The following SGCD variants were observed in gnomAD, a reference collection of about 807,000 sequenced individuals.
SGCD encodes the protein sarcoglycan delta, also known as delta-sarcoglycan.
A neutral mutation model predicts 36.6 loss-of-function variants in SGCD; 18 were observed. The observed-to-expected ratio is 0.49, with a 90% CI of 0.34 to 0.73. The LOEUF (loss-of-function observed/expected upper bound fraction) is 0.73. SGCD is among the 30% of genes least tolerant of loss of function. SGCD has a pLI of 0.01. For missense variants in SGCD, 387 were observed against 346.7 expected (o/e 1.12, Z -0.92); for synonymous variants, 133 against 130.6 (o/e 1.02, Z -0.12).
intron 3 of SGCD, among the ~76,000 whole-genome samples, chr5:156,140,566 A>G (rs909059086): frequency 1.3e-5 from 2 of 152,208 alleles, no homozygotes; most frequent in African/African-American, 2.4e-5. Context: ...TTTAAGAGCT[A>G]TGAACTAGGA....
intron 3 of SGCD, among the ~76,000 whole-genome samples, chr5:156,354,831 G>T (rs1769423014): frequency 6.6e-6 from 1 of 152,170 alleles, no homozygotes; most frequent in Non-Finnish European, 1.5e-5. Flanking sequence ...GAACCTGCAG[G>T]TCAGTCCTTC....
intron 3 of SGCD, among the ~76,000 whole-genome samples, chr5:156,290,613 A>G (rs562117458): frequency 6.6e-6 from 1 of 152,288 alleles, no homozygotes; most frequent in East Asian, 1.9e-4. Context: ...TACATATTAA[A>G]TGTACAATAT....
At chr5:156,312,164 A>T (rs1432874404) in intron 3 of SGCD, among the ~76,000 whole-genome samples, 2 of 152,194 alleles carry the variant, frequency 1.3e-5, no homozygotes, top group Non-Finnish European at 2.9e-5. Context: ...TTATTCTCAC[A>T]AAGACTCTGA....
At chr5:155,776,996 A>C in the SGCD span, among the ~76,000 whole-genome samples, 205 of 152,226 alleles carry the variant, frequency 1.3e-3, no homozygotes, top group Non-Finnish European at 2.5e-3. Context: ...AACTTTATCC[A>C]TGGGTACTTC....
chr5:156,371,752 C>T (rs1770400206), intron 3 of SGCD, among the ~76,000 whole-genome samples: 1 of 152,188 alleles, frequency 6.6e-6, no homozygotes, highest in South Asian at 2.1e-4. Flanking sequence ...AATAAATGTT[C>T]CCCCATCGTC....
At position 156,241,251 on chromosome 5, in the gene SGCD, CGTGTGTGTGTGTGTGTGTGT is replaced by C. The variant is rs60843726; in HGVS notation, c.-43-88265_-43-88246del. Among the ~76,000 whole-genome samples the C allele has an allele frequency of 6.8e-3, 991 of 145,178 alleles. 7 individuals are homozygous for C. Among genetic ancestry groups the C allele is most frequent in the African/African-American group, 0.023 (894 of 39,210 alleles). On this transcript the variant is annotated intron_variant, in intron 3 of 9. Coordinates refer to the SGCD transcript ENST00000517913. The stretch of plus-strand genomic sequence containing the variant: ...ACTGGCCTTGGAAATTAGACCAAAA[CGTGTGTGTGTGTGTGTGTGT>C]GTGTGTGTGTGTGTGTGCATGTATG...
chr5:156,705,522 C>T (rs1288501498), intron 7 of SGCD, among the ~76,000 whole-genome samples: 5 of 152,102 alleles, frequency 3.3e-5, no homozygotes, highest in Admixed American at 2.6e-4. Flanking sequence ...GTTATTATGA[C>T]ATAACAACCT....
intron 1 of SGCD, among the ~76,000 whole-genome samples, chr5:155,991,900 A>G (rs1758439608): frequency 6.6e-6 from 1 of 152,196 alleles, no homozygotes; most frequent in African/African-American, 2.4e-5. Context: ...GCCAAAGGCG[A>G]TATTTTTTGA....
Position 156,319,618 on chromosome 5 carries a change from G to T in SGCD, c.-43-9916G>T, listed in dbSNP as rs544130768. On this transcript the variant is annotated intron_variant, in intron 3 of 9. Transcript: ENST00000517913. Reference sequence around the variant, plus strand: ...AGCCCCAGCAGTAATTTCCCATAGTGAGTGAAGAGGTGATACAGTGAATCA... The same window carrying T: ...AGCCCCAGCAGTAATTTCCCATAGTTAGTGAAGAGGTGATACAGTGAATCA... 6.6e-5 allele frequency among the ~76,000 whole-genome samples: 10 copies of T among 152,302 alleles called. No homozygotes were observed. The East Asian group carries it at 1.9e-3, about 29-fold the overall frequency.
At chr5:155,879,458 T>C (rs1216889733) in intron 1 of SGCD, among the ~76,000 whole-genome samples, 1 of 152,090 alleles carries the variant, frequency 6.6e-6, no homozygotes, top group African/African-American at 2.4e-5. Context: ...CTTCCCTGGA[T>C]AGCGTTGTCT....
At chr5:155,822,599 GT>G in the SGCD span, among the ~76,000 whole-genome samples, 19 of 152,312 alleles carry the variant, frequency 1.2e-4, no homozygotes, top group African/African-American at 4.3e-4. Context: ...AATCCCTTGT[GT>G]TGTATGGGAA....
intron 6 of SGCD, among the ~76,000 whole-genome samples, chr5:156,611,760 A>G (rs983506208): frequency 6.6e-6 from 1 of 152,212 alleles, no homozygotes; most frequent in Admixed American, 6.5e-5. Flanking sequence ...CTTGTTGGCT[A>G]TCTTTATTCA....
intron 3 of SGCD, among the ~76,000 whole-genome samples, chr5:156,451,551 G>A (rs541447891): frequency 6.6e-6 from 1 of 152,290 alleles, no homozygotes; most frequent in African/African-American, 2.4e-5. Flanking sequence ...TAAAAGTAGA[G>A]ATGATAGCCT....
chr5:156,707,032 C>T (rs1754771801), intron 7 of SGCD, among the ~76,000 whole-genome samples: 1 of 152,140 alleles, frequency 6.6e-6, no homozygotes, highest in Non-Finnish European at 1.5e-5. Flanking sequence ...CAGAAAGTGA[C>T]ATGTATTCCA....
At chr5:156,451,392 T>C (rs1333051291) in intron 3 of SGCD, among the ~76,000 whole-genome samples, 4 of 152,214 alleles carry the variant, frequency 2.6e-5, no homozygotes, top group South Asian at 2.1e-4. Context: ...GTTTAATAGA[T>C]ATTATGTTCA....
chr5:156,493,830 G>A (rs1756051027), intron 3 of SGCD, among the ~76,000 whole-genome samples: 1 of 152,086 alleles, frequency 6.6e-6, no homozygotes, highest in African/African-American at 2.4e-5. Flanking sequence ...TATTGAGTGA[G>A]TCCTAATTTT....
chr5:156,358,477 T>C (rs1769603116), intron 3 of SGCD, among the ~76,000 whole-genome samples: 2 of 152,228 alleles, frequency 1.3e-5, no homozygotes, highest in Admixed American at 1.3e-4. Flanking sequence ...AATTATGATA[T>C]ATTGACAGCC....
chr5:156,122,412 G>A (rs1180266736), intron 2 of SGCD, among the ~76,000 whole-genome samples: 2 of 152,012 alleles, frequency 1.3e-5, no homozygotes, highest in Non-Finnish European at 2.9e-5. Flanking sequence ...TGAGATATGT[G>A]GTATGAGTTT....
intron 3 of SGCD, among the ~76,000 whole-genome samples, chr5:156,155,629 A>AG (rs1322482847): frequency 1.3e-5 from 2 of 151,092 alleles, no homozygotes; most frequent in Middle Eastern, 3.4e-3. Context: ...AAAAAAAAAA[A>AG]AAGAAGCACA....
Sources: allele counts gnomAD v4.1 joint callset (sites outside exome capture counted in the v4.1 genomes callset), GRCh38; gene constraint gnomAD v4.1.1; transcripts MANE v1.5; gene names NCBI Gene and HGNC (gene_info 2026-07-23, HGNC 2026-07-21).